CFAP77: variants seen among roughly 807,000 people sequenced by gnomAD.
CFAP77 encodes the protein cilia and flagella associated protein 77, also known as cilia- and flagella-associated protein 77.
A neutral mutation model predicts 31.1 loss-of-function variants in CFAP77; 25 were observed. The observed-to-expected ratio is 0.80, with a 90% CI of 0.59 to 1.12. The LOEUF is 1.12. CFAP77 is among the 50% of genes most tolerant of loss of function. CFAP77 has a pLI of 0.00. For missense variants in CFAP77, 377 were observed against 397.3 expected, an observed-to-expected ratio of 0.95 and a Z score of 0.44; for synonymous variants, 151 against 159.9, an observed-to-expected ratio of 0.94 and a Z score of 0.42.
intron 1 of CFAP77, among the ~76,000 whole-genome samples, chr9:132,417,889 C>CT: frequency 1.3e-4 from 1 of 7,786 alleles, no homozygotes; most frequent in Non-Finnish European, 3.9e-3. Flanking sequence ...TACATTTTCC[C>CT]CCTTCTGCTC....
rs1338299233 is a variant in CFAP77 at position 132,499,682 on chromosome 9, A to G, written c.524+82A>G. On this transcript the variant is annotated intron_variant, in intron 3 of 5. Transcript: ENST00000393216. This position sits in a 1 kb window ranked among gnomAD's most constrained non-coding sequence, Gnocchi z 5.4. ...ATCAGGGACAAGGTCGGAGGGTGAC[A>G]GGGAAGTGGAGCATCCTCCCAGCCC... The G allele has an allele frequency of 8.0e-7, 1 of 1,245,538 alleles. No individual in the cohort carries two copies. Among genetic ancestry groups the G allele is most frequent in the Non-Finnish European group, 1.2e-6 (1 of 858,260 alleles). 77.2% of individuals were successfully genotyped at this position (1,245,538 alleles called of 1,614,324 possible).
intron 1 of CFAP77, among the ~76,000 whole-genome samples, chr9:132,459,246 T>A (rs899570860): frequency 2.0e-5 from 3 of 152,220 alleles, no homozygotes; most frequent in African/African-American, 7.2e-5. Flanking sequence ...TAATTTTTTG[T>A]ATTTTTAGTA....
rs749705110 is a variant in CFAP77 at position 132,495,671 on chromosome 9, T to A, written c.196-3024T>A. On this transcript the variant is annotated intron_variant, in intron 1 of 5. Coordinates refer to ENST00000393216, the MANE Select transcript of CFAP77 (RefSeq NM_001282957.2). The surrounding 1 kb of genome is among the most constrained non-coding windows in gnomAD (Gnocchi z 4.2). Reference sequence around the variant, plus strand: ...AAGAGCCAATGGTCTCAAAGTAGGCTGTATGAACTGCATGTCTGTGTACCC... The same window carrying A: ...AAGAGCCAATGGTCTCAAAGTAGGCAGTATGAACTGCATGTCTGTGTACCC... 3.3e-5 allele frequency among the ~76,000 whole-genome samples: 5 copies of A among 152,210 alleles called. No homozygotes were observed. The highest frequency in any genetic ancestry group is 5.9e-5 in the Non-Finnish European group (4 of 68,042).
chr9:132,550,024 G>A (rs1159951330), intron 5 of CFAP77, among the ~76,000 whole-genome samples: 4 of 152,202 alleles, frequency 2.6e-5, no homozygotes, highest in Non-Finnish European at 5.9e-5. Context: ...TCATGTATGT[G>A]GGGAGTGATG....
chr9:132,456,289 C>T (rs1057377284), intron 1 of CFAP77, among the ~76,000 whole-genome samples: 2 of 152,118 alleles, frequency 1.3e-5, no homozygotes, highest in African/African-American at 2.4e-5. Context: ...TGTTGTCCTG[C>T]CCCCCATCTT....
At chr9:132,467,309 G>C (rs72765893) in intron 1 of CFAP77, among the ~76,000 whole-genome samples, 12,829 of 152,114 alleles carry the variant, frequency 0.084, 537 homozygotes, top group Middle Eastern at 0.11. Context: ...TTTCATCTTG[G>C]AAAACTGAAA....
intron 1 of CFAP77, among the ~76,000 whole-genome samples, chr9:132,475,896 C>A (rs968796433): frequency 2.0e-5 from 3 of 152,316 alleles, no homozygotes; most frequent in African/African-American, 7.2e-5. Context: ...CCATCCCTGG[C>A]TCCCTATTAC....
chr9:132,466,696 C>A (rs903663408), intron 1 of CFAP77, among the ~76,000 whole-genome samples: 2 of 152,208 alleles, frequency 1.3e-5, no homozygotes, highest in Non-Finnish European at 2.9e-5. Context: ...CCCCGACCTC[C>A]CGGCTTCCTC....
chr9:132,515,767 C>G (rs541586193), intron 3 of CFAP77, among the ~76,000 whole-genome samples: 1 of 152,218 alleles, frequency 6.6e-6, no homozygotes, highest in Non-Finnish European at 1.5e-5. Context: ...AGACTCAACA[C>G]AGACCTCTCC....
chr9:132,535,675 G>T (rs553858369), intron 3 of CFAP77, among the ~76,000 whole-genome samples: 1 of 152,068 alleles, frequency 6.6e-6, no homozygotes, highest in South Asian at 2.1e-4. Flanking sequence ...TTGCATCACT[G>T]CACTCCAGAC....
At chr9:132,522,839 G>A (rs1301295878) in intron 3 of CFAP77, among the ~76,000 whole-genome samples, 3 of 152,196 alleles carry the variant, frequency 2.0e-5, no homozygotes, top group Non-Finnish European at 4.4e-5. Context: ...TGCATGGTAG[G>A]CGGAGCTGGG....
intron 1 of CFAP77, among the ~76,000 whole-genome samples, chr9:132,488,222 G>C (rs1851595415): frequency 6.6e-6 from 1 of 152,146 alleles, no homozygotes; most frequent in Non-Finnish European, 1.5e-5. Flanking sequence ...GCTCGTGATG[G>C]AATGAACGTC....
chr9:132,528,402 C>G (rs1384370311), intron 3 of CFAP77, among the ~76,000 whole-genome samples: 3 of 144,528 alleles, frequency 2.1e-5, no homozygotes, highest in African/African-American at 7.5e-5. Flanking sequence ...CCATAAAAAC[C>G]CTAGAAGAAA....
At chr9:132,484,274 A>G (rs993434601) in intron 1 of CFAP77, among the ~76,000 whole-genome samples, 3 of 152,116 alleles carry the variant, frequency 2.0e-5, no homozygotes, top group African/African-American at 4.8e-5. Context: ...CATAAAATCA[A>G]CCATCAGCCA....
chr9:132,516,941 G>T (rs1199900422), intron 3 of CFAP77, among the ~76,000 whole-genome samples: 1 of 152,218 alleles, frequency 6.6e-6, no homozygotes, highest in African/African-American at 2.4e-5. Context: ...TCACTTGACA[G>T]TCGGACAGCC....
chr9:132,456,272 C>T (rs1215156746), intron 1 of CFAP77, among the ~76,000 whole-genome samples: 3 of 152,202 alleles, frequency 2.0e-5, no homozygotes, highest in Non-Finnish European at 4.4e-5. Flanking sequence ...GCTCTGTCCA[C>T]AGTAGCTGTT....
intron 3 of CFAP77, among the ~76,000 whole-genome samples, chr9:132,519,705 T>C (rs1020942750): frequency 4.3e-5 from 2 of 46,274 alleles, no homozygotes; most frequent in Admixed American, 2.5e-4. Context: ...GATGGGTGGG[T>C]GGGTGGGTAG....
chr9:132,520,299 A>C (rs1444181019), intron 3 of CFAP77, among the ~76,000 whole-genome samples: 3 of 152,174 alleles, frequency 2.0e-5, no homozygotes, highest in African/African-American at 7.2e-5. Flanking sequence ...TGATCCATGC[A>C]CAATTTGATG....
rs1589859939 is a variant in CFAP77, at chr9:132,455,501, C to T, written c.196-43194C>T. 6.8e-6 allele frequency among the ~76,000 whole-genome samples: 1 copy of T among 148,012 alleles called. No homozygotes were observed. The highest frequency in any genetic ancestry group is 2.5e-5 in the African/African-American group (1 of 39,954). On this transcript the variant is annotated intron_variant, in intron 1 of 5. Coordinates refer to ENST00000393216, the MANE Select transcript of CFAP77 (RefSeq NM_001282957.2). The surrounding 1 kb of genome is among the most constrained non-coding windows in gnomAD (Gnocchi z 4.1). Reference sequence around the variant, plus strand: ...CTAGCCTGGGTGGCAGAGCGAGACTCCTGAAAAAAAAAAACAAAAAAACTT... The same window carrying T: ...CTAGCCTGGGTGGCAGAGCGAGACTTCTGAAAAAAAAAAACAAAAAAACTT...
Sources: gnomAD v4.1 joint callset for allele counts (sites outside exome capture counted in the v4.1 genomes callset) on GRCh38, gnomAD v4.1.1 for gene constraint, Gnocchi (gnomAD v3.1) non-coding constraint, MANE v1.5 for transcripts, NCBI Gene and HGNC (gene_info 2026-07-23, HGNC 2026-07-21) for gene names.